The following RGS12 variants were observed in gnomAD, a reference collection of about 807,000 sequenced individuals.
RGS12 encodes the protein regulator of G-protein signaling 12.
In RGS12, 66 loss-of-function variants were observed where a neutral mutation model predicts 120.1. That is an observed-to-expected ratio of 0.55 (90% CI 0.45 to 0.67). The LOEUF is 0.67. Ranked by LOEUF, RGS12 falls within the 30% of genes least tolerant of loss-of-function variation. RGS12 has a pLI of 0.00. For missense variants in RGS12, 1,859 were observed against 1,957.7 expected (o/e 0.95, Z 0.95); for synonymous variants, 827 against 804.7 (o/e 1.03, Z -0.47).
chr4:3,357,332 C>A (rs1714989258), intron 3 of RGS12, among the ~76,000 whole-genome samples: 1 of 152,014 alleles, frequency 6.6e-6, no homozygotes, highest in Non-Finnish European at 1.5e-5. Flanking sequence ...TGTGGGTTGC[C>A]TTTTTACTCT....
upstream of RGS12, among the ~76,000 whole-genome samples, chr4:3,288,118 G>A (rs149903094): frequency 2.7e-3 from 417 of 152,330 alleles, no homozygotes; most frequent in African/African-American, 9.8e-3. The surrounding 1 kb of genome is among the most constrained non-coding windows in gnomAD (Gnocchi z 5.2). Flanking sequence ...TGCTCTGAGC[G>A]CACACAAGGA....
At chr4:3,403,360 C>A (rs954571297) in intron 4 of RGS12, among the ~76,000 whole-genome samples, 3 of 152,170 alleles carry the variant, frequency 2.0e-5, no homozygotes, top group Admixed American at 6.5e-5. Flanking sequence ...CCAGGCGTGG[C>A]AGCTCCTCTG....
chr4:3,405,136 C>A (rs560155119), intron 4 of RGS12, among the ~76,000 whole-genome samples: 1 of 152,192 alleles, frequency 6.6e-6, no homozygotes, highest in Admixed American at 6.5e-5. Context: ...CTGAACAGTG[C>A]GTCAGGAAAT....
chr4:3,351,205 A>AT (rs1241146863), intron 3 of RGS12, among the ~76,000 whole-genome samples: 4 of 151,452 alleles, frequency 2.6e-5, no homozygotes, highest in East Asian at 1.9e-4. Flanking sequence ...GCTAAATTGT[A>AT]TTAAAAAAAA....
chr4:3,404,126 A>G (rs555222452), intron 4 of RGS12, among the ~76,000 whole-genome samples: 38 of 152,294 alleles, frequency 2.5e-4, no homozygotes, highest in African/African-American at 8.2e-4. Flanking sequence ...CTTTGTTACA[A>G]TTTTCCAGCA....
chr4:3,424,693 T>C (rs1455127887), intron 13 of RGS12, among the ~76,000 whole-genome samples: 1 of 152,184 alleles, frequency 6.6e-6, no homozygotes, highest in Non-Finnish European at 1.5e-5. Context: ...GTGGGGGCTA[T>C]GGAGGATTCG....
At chr4:3,295,071 G>A (rs751226130) in intron 1 of RGS12, among the ~76,000 whole-genome samples, 1 of 152,158 alleles carries the variant, frequency 6.6e-6, no homozygotes, top group Non-Finnish European at 1.5e-5. Context: ...TTTAGGATGA[G>A]GGTCTCGGGG....
At chr4:3,287,365 C>A in the RGS12 span, among the ~76,000 whole-genome samples, 5 of 151,670 alleles carry the variant, frequency 3.3e-5, no homozygotes, top group African/African-American at 7.3e-5. Context: ...AAAAAAAAAA[C>A]AAAAAAAGGA....
chr4:3,420,585 T>C (rs1348685405), intron 9 of RGS12, 57 bp from the exon 10 acceptor site: 3 of 1,562,518 alleles, frequency 1.9e-6, no homozygotes, highest in African/African-American at 1.4e-5. Context: ...GGTTGGGAGA[T>C]GTGACCGAAT....
intron 3 of RGS12, among the ~76,000 whole-genome samples, chr4:3,364,962 G>A (rs1390782978): frequency 1.3e-5 from 2 of 152,102 alleles, no homozygotes; most frequent in African/African-American, 4.8e-5. Context: ...CCCTACACAA[G>A]GCAGGCAGAA....
intron 2 of RGS12, among the ~76,000 whole-genome samples, chr4:3,327,872 A>G (rs141712364): frequency 2.0e-5 from 3 of 152,370 alleles, no homozygotes; most frequent in Admixed American, 1.3e-4. Flanking sequence ...TGAGCCAGCA[A>G]TCCTACTACT....
intron 2 of RGS12, among the ~76,000 whole-genome samples, chr4:3,330,871 C>T (rs1235683636): frequency 6.6e-6 from 1 of 152,232 alleles, no homozygotes; most frequent in Non-Finnish European, 1.5e-5. Context: ...TTTAGCTTCA[C>T]TTCCCCATTT....
Position 3,414,058 on chromosome 4 carries a change from TG to T in RGS12, c.2021-13del. ...AGGGCAGGGGTGCAGGTGCTGTCTG[TG>T]CTGGTCCCGCAGAGTTGACGGGCGC... On this transcript the variant is annotated splice_polypyrimidine_tract_variant and intron_variant, in intron 4 of 17. Coordinates refer to ENST00000336727, the MANE Select transcript of RGS12 (RefSeq NM_001394154.1). The T allele has an allele frequency of 1.3e-6, 2 of 1,541,146 alleles. No homozygotes were observed. The highest frequency in any genetic ancestry group is 2.7e-5 in the African/African-American group (2 of 73,978).
intron 17 of RGS12, among the ~76,000 whole-genome samples, chr4:3,437,465 C>G (rs1724921211): frequency 6.6e-6 from 1 of 152,190 alleles, no homozygotes; most frequent in Non-Finnish European, 1.5e-5. Flanking sequence ...ACGGTATTGA[C>G]CGGCGAGAGG....
At chr4:3,429,823 C>A (rs942282288) in intron 16 of RGS12, among the ~76,000 whole-genome samples, 1 of 152,196 alleles carries the variant, frequency 6.6e-6, no homozygotes, top group Non-Finnish European at 1.5e-5. Context: ...CCCCCTCTGC[C>A]CTAGGCCTGG....
In RGS12 at chr4:3,365,524, C is replaced by A. The variant is rs1158012678; in HGVS notation, c.1999-20892C>A. 2.0e-5 allele frequency among the ~76,000 whole-genome samples: 3 copies of A among 152,104 alleles called. No homozygotes were observed. The highest frequency in any genetic ancestry group is 7.2e-5 in the African/African-American group (3 of 41,392). On this transcript the variant is annotated intron_variant, in intron 3 of 17. Coordinates refer to ENST00000336727, the MANE Select transcript of RGS12 (RefSeq NM_001394154.1). The surrounding 1 kb of genome is among the most constrained non-coding windows in gnomAD (Gnocchi z 4.0). ...CAGAGCTGTAAATCCCAGCAAAAAC[C>A]GACGGAGCCCTGAGTCCGACCTAAG...
chr4:3,344,849 G>C (rs1212024630), intron 3 of RGS12, among the ~76,000 whole-genome samples: 1 of 152,210 alleles, frequency 6.6e-6, no homozygotes, highest in East Asian at 1.9e-4. Flanking sequence ...AGGTGGCAGG[G>C]CTGCCTGTCC....
intron 2 of RGS12, among the ~76,000 whole-genome samples, chr4:3,336,929 G>A (rs1485987386): frequency 6.7e-6 from 1 of 149,170 alleles, no homozygotes; most frequent in Admixed American, 6.7e-5. Context: ...CTGTGAAGTA[G>A]AAAAGAAAAT....
At position 3,358,642 on chromosome 4, in the gene RGS12, A is replaced by G. The variant is rs530310154; in HGVS notation, c.1998+15589A>G. Among the ~76,000 whole-genome samples, 340 of 152,054 alleles carry G rather than the reference A, an allele frequency of 2.2e-3. 4 individuals carry two copies. Among genetic ancestry groups the G allele is most frequent in the African/African-American group, 6.3e-3 (263 of 41,446 alleles). Reference sequence around the variant, plus strand: ...GGTGTATTACAATGATTGATTTTTCATATGTTGAATTACCCTTGCATTATA... The same window carrying G: ...GGTGTATTACAATGATTGATTTTTCGTATGTTGAATTACCCTTGCATTATA... On this transcript the variant is annotated intron_variant, in intron 3 of 17. Coordinates refer to ENST00000336727, the MANE Select transcript of RGS12 (RefSeq NM_001394154.1).
Sources: allele counts gnomAD v4.1 joint callset (sites outside exome capture counted in the v4.1 genomes callset), GRCh38; gene constraint gnomAD v4.1.1; non-coding constraint Gnocchi (gnomAD v3.1); transcripts MANE v1.5; gene names NCBI Gene and HGNC (gene_info 2026-07-23, HGNC 2026-07-21).